Variants in PCDHA4 observed in about 807,000 individuals in gnomAD.
PCDHA4 encodes the protein protocadherin alpha-4.
In PCDHA4, 49 loss-of-function variants were observed where a neutral mutation model predicts 61.4. The observed-to-expected ratio is 0.80, with a 90% CI of 0.63 to 1.01. The LOEUF (loss-of-function observed/expected upper bound fraction) is 1.01. PCDHA4 is among the 50% of genes least tolerant of loss of function. PCDHA4 has a pLI of 0.00. For synonymous variants in PCDHA4, 590 were observed against 550.3 expected (o/e 1.07, Z -1.01); for missense variants, 1,254 against 1,235.8 (o/e 1.01, Z -0.22).
chr5:140,836,405 G>C, intron 1 of PCDHA4: 1 of 1,613,802 alleles, frequency 6.2e-7, no homozygotes, highest in East Asian at 2.2e-5. Context: ...AAAGCGGCCA[G>C]GCACCAAAGG....
At chr5:140,908,530 T>G (rs1554193400) in intron 1 of PCDHA4, among the ~76,000 whole-genome samples, 1 of 152,148 alleles carries the variant, frequency 6.6e-6, no homozygotes, top group African/African-American at 2.4e-5. Flanking sequence ...AATGTTCAGT[T>G]TCCACCAAAG....
chr5:140,812,060 T>A (rs1366496459), intron 1 of PCDHA4: 3 of 152,010 alleles, frequency 2.0e-5, no homozygotes, highest in Non-Finnish European at 2.9e-5. Context: ...CAATTTTTTT[T>A]TTTTGGAAGA....
Position 140,895,899 on chromosome 5 carries a change from C to T in PCDHA4, c.2386-83050C>T, listed in dbSNP as rs181661173. Among the ~76,000 whole-genome samples, 21 of 152,308 alleles carry T rather than the reference C, an allele frequency of 1.4e-4. No homozygotes were observed. The East Asian group carries it at 2.5e-3, about 18-fold the overall frequency. ...CGATCTCGGCTCACTGCAACCTCCGCGTCCCGGGCTCAACAATTATCCTGC... is the reference window on the plus strand; with the variant it reads ...CGATCTCGGCTCACTGCAACCTCCGTGTCCCGGGCTCAACAATTATCCTGC... On this transcript the variant is annotated intron_variant, in intron 1 of 3. Transcript: ENST00000530339.
intron 1 of PCDHA4, chr5:140,841,441 A>G: frequency 1.2e-6 from 2 of 1,612,978 alleles, no homozygotes; most frequent in Non-Finnish European, 1.7e-6. Context: ...AGGAGGCCAA[A>G]CACGGCACCT....
chr5:141,003,981 C>T (rs1485203944), intron 3 of PCDHA4, among the ~76,000 whole-genome samples: 9 of 152,072 alleles, frequency 5.9e-5, no homozygotes, highest in Admixed American at 2.6e-4. Flanking sequence ...GGGGACTTGC[C>T]GGAGATCCTA....
chr5:140,823,948 C>T, intron 1 of PCDHA4: 2 of 1,613,984 alleles, frequency 1.2e-6, no homozygotes, highest in Non-Finnish European at 8.5e-7. Context: ...GTGCTCGGCG[C>T]AGCCCACCGA....
At chr5:140,818,235 A>C (rs2150100538) in intron 1 of PCDHA4, among the ~76,000 whole-genome samples, 2 of 152,010 alleles carry the variant, frequency 1.3e-5, no homozygotes, top group African/African-American at 4.8e-5. Context: ...CTTGTCTTTT[A>C]TGTGCCATTT....
intron 1 of PCDHA4, among the ~76,000 whole-genome samples, chr5:140,969,915 GC>G (rs1181399848): frequency 2.0e-5 from 3 of 152,192 alleles, no homozygotes; most frequent in African/African-American, 7.2e-5. Flanking sequence ...AAGTGATAAA[GC>G]TGTAGTATTT....
At chr5:140,858,299 C>A in intron 1 of PCDHA4, 1 of 1,597,210 alleles carries the variant, frequency 6.3e-7, no homozygotes, top group Non-Finnish European at 8.6e-7. Flanking sequence ...TTACTCGCAG[C>A]AGAGGCGGCA....
chr5:140,952,176 C>G (rs1300041660), intron 1 of PCDHA4, among the ~76,000 whole-genome samples: 1 of 152,058 alleles, frequency 6.6e-6, no homozygotes, highest in African/African-American at 2.4e-5. Flanking sequence ...GTTCCTGCAG[C>G]TGCTCTCATG....
intron 1 of PCDHA4, among the ~76,000 whole-genome samples, chr5:140,855,454 C>T (rs2043476507): frequency 6.7e-6 from 1 of 149,874 alleles, no homozygotes; most frequent in Non-Finnish European, 1.5e-5. Flanking sequence ...GAGTTATAAA[C>T]ACCTCACAGA....
chr5:140,834,543 C>A (rs1580783721), intron 1 of PCDHA4: 2 of 1,614,086 alleles, frequency 1.2e-6, no homozygotes, highest in Non-Finnish European at 1.7e-6. Flanking sequence ...GGACCTGGGG[C>A]TGGAGCTGGC....
chr5:140,882,562 G>A, intron 1 of PCDHA4: 1 of 1,614,252 alleles, frequency 6.2e-7, no homozygotes, highest in Non-Finnish European at 8.5e-7. Flanking sequence ...TGTGTGGGCG[G>A]AGCGCGGAGT....
intron 3 of PCDHA4, among the ~76,000 whole-genome samples, chr5:140,995,545 T>C (rs998594175): frequency 1.3e-5 from 2 of 152,206 alleles, no homozygotes; most frequent in Non-Finnish European, 2.9e-5. Flanking sequence ...TAAGGGGCGA[T>C]CACTGTACTG....
chr5:140,885,293 G>C (rs945786135), intron 1 of PCDHA4, among the ~76,000 whole-genome samples: 8 of 152,122 alleles, frequency 5.3e-5, no homozygotes, highest in Non-Finnish European at 1.5e-5. Context: ...TATAGAGAGA[G>C]ACCTGGTAGG....
chr5:140,889,034 T>A (rs1554183750), intron 1 of PCDHA4, among the ~76,000 whole-genome samples: 4 of 152,080 alleles, frequency 2.6e-5, no homozygotes, highest in Non-Finnish European at 5.9e-5. Flanking sequence ...TAACCGTAAT[T>A]TGATTATAAT....
intron 1 of PCDHA4, chr5:140,868,976 T>C: frequency 6.7e-7 from 1 of 1,481,558 alleles, no homozygotes; most frequent in Non-Finnish European, 9.0e-7. Context: ...AACTCCATCA[T>C]ACCGGATGCC....
At chr5:140,875,841 G>A in intron 1 of PCDHA4, 2 of 1,614,164 alleles carry the variant, frequency 1.2e-6, no homozygotes, top group Non-Finnish European at 1.7e-6. Flanking sequence ...ACGTGGAGGT[G>A]AAGGACATTA....
At chr5:140,869,233 T>C in intron 1 of PCDHA4, 1 of 1,613,700 alleles carries the variant, frequency 6.2e-7, no homozygotes, top group Non-Finnish European at 8.5e-7. Context: ...ACACGGCACC[T>C]TCGTGGGCCG....
Sources: gnomAD v4.1 joint callset for allele counts (sites outside exome capture counted in the v4.1 genomes callset) on GRCh38, gnomAD v4.1.1 for gene constraint, MANE v1.5 for transcripts, NCBI Gene and HGNC (gene_info 2026-07-23, HGNC 2026-07-21) for gene names.